Variants in ANGPT1 observed in about 807,000 individuals in gnomAD.
ANGPT1 encodes the protein angiopoietin-1.
ANGPT1 carries 17 observed loss-of-function variants against 62.2 expected under a neutral mutation model. That is an observed-to-expected ratio of 0.27 (90% CI 0.19 to 0.41). The LOEUF (loss-of-function observed/expected upper bound fraction) is 0.41. Ranked by LOEUF, ANGPT1 falls within the 10% of genes least tolerant of loss-of-function variation. ANGPT1 has a pLI of 1.00. For missense variants in ANGPT1, 478 were observed against 594.9 expected, an observed-to-expected ratio of 0.80 and a Z score of 2.04; for synonymous variants, 199 against 198.9, an observed-to-expected ratio of 1.00 and a Z score of 0.00.
At chr8:107,474,269 T>A (rs6982185) in intron 1 of ANGPT1, among the ~76,000 whole-genome samples, 13 of 151,890 alleles carry the variant, frequency 8.6e-5, no homozygotes, top group Non-Finnish European at 1.5e-5. Context: ...GGGATGCAAG[T>A]CTGGTTCAAC....
At chr8:107,348,392 C>A (rs1268029452) in intron 1 of ANGPT1, among the ~76,000 whole-genome samples, 1 of 152,118 alleles carries the variant, frequency 6.6e-6, no homozygotes, top group Non-Finnish European at 1.5e-5. Flanking sequence ...TTGCTTATTT[C>A]TATTTATCAA....
chr8:107,380,566 T>C (rs530194838), intron 1 of ANGPT1, among the ~76,000 whole-genome samples: 2 of 152,306 alleles, frequency 1.3e-5, no homozygotes, highest in Non-Finnish European at 2.9e-5. Context: ...TTAGTTTTTA[T>C]AGGTGATATA....
intron 1 of ANGPT1, among the ~76,000 whole-genome samples, chr8:107,443,328 G>A (rs760268170): frequency 6.6e-6 from 1 of 152,062 alleles, no homozygotes; most frequent in Admixed American, 6.5e-5. Flanking sequence ...GGAGGCCCAG[G>A]TTCCACTCCT....
chr8:107,495,839 T>G (rs532802238), intron 1 of ANGPT1, among the ~76,000 whole-genome samples: 1 of 152,136 alleles, frequency 6.6e-6, no homozygotes, highest in Non-Finnish European at 1.5e-5. Context: ...AACCTGAGAG[T>G]TCTGTTTGCT....
chr8:107,317,171 A>G (rs1246664577), intron 4 of ANGPT1, among the ~76,000 whole-genome samples: 2 of 152,226 alleles, frequency 1.3e-5, no homozygotes, highest in Non-Finnish European at 2.9e-5. Flanking sequence ...CTGAAAAATA[A>G]TTGTTTACTT....
chr8:107,283,418 A>G (rs1319124120), intron 7 of ANGPT1, among the ~76,000 whole-genome samples: 1 of 152,026 alleles, frequency 6.6e-6, no homozygotes, highest in Non-Finnish European at 1.5e-5. Flanking sequence ...CATCATTACT[A>G]TTTGTCGAGA....
chr8:107,482,113 T>C (rs1812704171), intron 1 of ANGPT1, among the ~76,000 whole-genome samples: 1 of 152,266 alleles, frequency 6.6e-6, no homozygotes, highest in Admixed American at 6.5e-5. Flanking sequence ...ATGTAGCTTA[T>C]GTTAAGAAAT....
At chr8:107,370,491 C>A (rs991356338) in intron 1 of ANGPT1, among the ~76,000 whole-genome samples, 1 of 151,264 alleles carries the variant, frequency 6.6e-6, no homozygotes. Context: ...GAGTTCAAGA[C>A]CATCCTGACC....
chr8:107,406,687 T>C (rs1441935262), intron 1 of ANGPT1, among the ~76,000 whole-genome samples: 1 of 152,062 alleles, frequency 6.6e-6, no homozygotes, highest in Non-Finnish European at 1.5e-5. Context: ...CAAATACTTT[T>C]CTGTGCTCCC....
chr8:107,252,098 A>C, intron 8 of ANGPT1, 83 bp from the exon 9 acceptor site: 2 of 1,427,588 alleles, frequency 1.4e-6, no homozygotes, highest in Non-Finnish European at 1.9e-6. Flanking sequence ...AATGGCATTA[A>C]ATGATGGGAA....
chr8:107,394,318 C>T (rs530603788), intron 1 of ANGPT1, among the ~76,000 whole-genome samples: 14 of 152,252 alleles, frequency 9.2e-5, no homozygotes, highest in African/African-American at 3.1e-4. Context: ...CTAGAATATA[C>T]AAGCAAGAAA....
At chr8:107,421,473 A>G (rs1810893339) in intron 1 of ANGPT1, among the ~76,000 whole-genome samples, 2 of 152,198 alleles carry the variant, frequency 1.3e-5, no homozygotes, top group South Asian at 4.1e-4. Context: ...CTTTTTCTGT[A>G]CCACTTACAA....
chr8:107,408,024 T>C (rs550891146), intron 1 of ANGPT1, among the ~76,000 whole-genome samples: 63 of 152,290 alleles, frequency 4.1e-4, no homozygotes, highest in African/African-American at 1.5e-3. Flanking sequence ...TGGCATATAG[T>C]CCAGAACTCA....
At chr8:107,376,740 T>C (rs767403052) in intron 1 of ANGPT1, among the ~76,000 whole-genome samples, 2 of 152,194 alleles carry the variant, frequency 1.3e-5, no homozygotes, top group Non-Finnish European at 2.9e-5. Flanking sequence ...TCTGAGGATA[T>C]AGGCCTTCAA....
At chr8:107,256,609 G>A (rs1031123211) in intron 8 of ANGPT1, among the ~76,000 whole-genome samples, 1 of 152,124 alleles carries the variant, frequency 6.6e-6, no homozygotes, top group African/African-American at 2.4e-5. Context: ...TCTCTGATAA[G>A]ATTCTGAATA....
intron 5 of ANGPT1, among the ~76,000 whole-genome samples, chr8:107,296,700 T>C (rs1814425218): frequency 6.6e-6 from 1 of 152,050 alleles, no homozygotes; most frequent in Non-Finnish European, 1.5e-5. Flanking sequence ...ATATCACTAG[T>C]TTCTCAATTA....
chr8:107,421,029 A>T (rs2130379269), intron 1 of ANGPT1, among the ~76,000 whole-genome samples: 1 of 152,264 alleles, frequency 6.6e-6, no homozygotes, highest in African/African-American at 2.4e-5. Context: ...TACCAGAATA[A>T]TTCTTCTATT....
intron 4 of ANGPT1, among the ~76,000 whole-genome samples, chr8:107,307,069 A>C (rs777030728): frequency 6.6e-6 from 1 of 152,054 alleles, no homozygotes; most frequent in Non-Finnish European, 1.5e-5. Flanking sequence ...GTTGATCTTT[A>C]TGTCTAAAAT....
chr8:107,492,388 TG>T, intron 1 of ANGPT1, among the ~76,000 whole-genome samples: 1 of 152,280 alleles, frequency 6.6e-6, no homozygotes, highest in South Asian at 2.1e-4. Flanking sequence ...CAGGCTGGAG[TG>T]CAGTGGTGCG....
Sources: gnomAD v4.1 joint callset for allele counts (sites outside exome capture counted in the v4.1 genomes callset) on GRCh38, gnomAD v4.1.1 for gene constraint, MANE v1.5 for transcripts, NCBI Gene and HGNC (gene_info 2026-07-23, HGNC 2026-07-21) for gene names.